The following ZNF292 variants were observed in gnomAD, a reference collection of about 807,000 sequenced individuals.
ZNF292 encodes zinc finger protein 292.
ZNF292 carries 26 observed loss-of-function variants against 217.9 expected under a neutral mutation model. That is an observed-to-expected ratio of 0.12 (90% CI 0.09 to 0.17). ZNF292 has a LOEUF of 0.17. Ranked by LOEUF, ZNF292 falls within the 10% of genes least tolerant of loss-of-function variation. The probability of loss-of-function intolerance (pLI) is 1.00; values close to 1 mark genes in which losing one functional copy is unlikely to be tolerated. For synonymous variants in ZNF292, 1,257 were observed against 1,124.1 expected (o/e 1.12, Z -2.37); for missense variants, 2,904 against 3,175.2 (o/e 0.91, Z 2.05).
intron 5 of ZNF292, among the ~76,000 whole-genome samples, chr6:87,236,938 G>GT (rs1773935376): frequency 6.6e-6 from 1 of 152,080 alleles, no homozygotes; most frequent in Non-Finnish European, 1.5e-5. Context: ...ATACATCCGT[G>GT]TATCCTTGTG....
At chr6:87,231,645 A>G (rs1396781505) in intron 4 of ZNF292, among the ~76,000 whole-genome samples, 1 of 152,220 alleles carries the variant, frequency 6.6e-6, no homozygotes, top group Non-Finnish European at 1.5e-5. Context: ...TTTAATGCAG[A>G]AATTACACAA....
rs1332857858 is a variant in ZNF292, at chr6:87,265,662, C to A, written c.*3861C>A. Among the ~76,000 whole-genome samples, 1 of 152,106 alleles carries A rather than the reference C, an allele frequency of 6.6e-6. No homozygotes were observed. The highest frequency in any genetic ancestry group is 1.5e-5 in the Non-Finnish European group (1 of 68,020). On this transcript the variant is annotated 3_prime_UTR_variant, in exon 8 of 8. Transcript: ENST00000369577. ...TTTAATGTTAATACTTAGTTATATCCCACTGAACTAGCATTCTAAAGAACA... is the reference window on the plus strand; with the variant it reads ...TTTAATGTTAATACTTAGTTATATCACACTGAACTAGCATTCTAAAGAACA...
intron 1 of ZNF292, among the ~76,000 whole-genome samples, chr6:87,158,597 C>T (rs934302530): frequency 6.6e-6 from 1 of 152,138 alleles, no homozygotes; most frequent in Non-Finnish European, 1.5e-5. Flanking sequence ...TCATTTGAAC[C>T]CGGGAGGCAG....
chr6:87,235,719 G>A (rs186796590), intron 5 of ZNF292, among the ~76,000 whole-genome samples: 3 of 152,212 alleles, frequency 2.0e-5, no homozygotes, highest in South Asian at 4.1e-4. Context: ...TGAAGACCCT[G>A]GGTACTTCCA....
At chr6:87,197,672 G>T (rs1204519000) in intron 1 of ZNF292, among the ~76,000 whole-genome samples, 2 of 144,410 alleles carry the variant, frequency 1.4e-5, no homozygotes, top group Non-Finnish European at 3.0e-5. Flanking sequence ...CAGAGGCGGA[G>T]GTCATGCCAC....
chr6:87,247,008 A>G (rs1449981947), intron 7 of ZNF292, among the ~76,000 whole-genome samples: 3 of 152,090 alleles, frequency 2.0e-5, no homozygotes, highest in East Asian at 3.9e-4. Context: ...AAAGAAAATT[A>G]GCTGTTCATG....
chr6:87,223,549 G>A (rs1773199306), intron 4 of ZNF292: 1 of 152,198 alleles, frequency 6.6e-6, no homozygotes, highest in Non-Finnish European at 1.5e-5. Context: ...CCACCTCCTT[G>A]AGGAAGCAGT....
At chr6:87,156,668 G>T (rs9450625) in intron 1 of ZNF292, among the ~76,000 whole-genome samples, 1 of 152,186 alleles carries the variant, frequency 6.6e-6, no homozygotes, top group African/African-American at 2.4e-5. Flanking sequence ...TCTGTGCTTT[G>T]GGTAGTTTCA....
chr6:87,248,029 A>C (rs4591818), intron 7 of ZNF292, among the ~76,000 whole-genome samples: 81,617 of 151,952 alleles, frequency 0.54, 22,363 homozygotes, highest in African/African-American at 0.62. Context: ...ATCAGAACTC[A>C]AGTTTCATAA....
chr6:87,197,826 A>G (rs1389933832), intron 1 of ZNF292, among the ~76,000 whole-genome samples: 1 of 150,260 alleles, frequency 6.7e-6, no homozygotes, highest in African/African-American at 2.4e-5. Context: ...ATTCATTTCT[A>G]GCTTTCAACA....
intron 1 of ZNF292, among the ~76,000 whole-genome samples, chr6:87,183,278 G>C (rs565942890): frequency 6.6e-6 from 1 of 152,092 alleles, no homozygotes; most frequent in Non-Finnish European, 1.5e-5. Flanking sequence ...AGAATGCTTT[G>C]CAATAGACAG....
intron 7 of ZNF292, among the ~76,000 whole-genome samples, chr6:87,250,673 A>G (rs1271280150): frequency 6.6e-6 from 1 of 152,222 alleles, no homozygotes; most frequent in East Asian, 1.9e-4. Context: ...GGATTTTGGT[A>G]TCCACAGGAA....
intron 1 of ZNF292, chr6:87,174,098 C>CACCTAAA: frequency 6.0e-6 from 1 of 165,752 alleles, no homozygotes; most frequent in African/African-American, 2.5e-5. Flanking sequence ...CAGAATAGTG[C>CACCTAAA]AGGAGCTTCA....
chr6:87,259,526 C>T lies in ZNF292; in HGVS notation c.5897C>T (p.Ala1966Val). 6.3e-7 allele frequency: 1 copy of T among 1,586,884 alleles called. No homozygotes were observed. The highest frequency in any genetic ancestry group is 8.6e-7 in the Non-Finnish European group (1 of 1,165,326). ...KTFTRNSNLR[A>V]HCQLVHHFTT... ...TTTACAAGAAATTCTAACCTCCGGG[C>T]ACACTGTCAGTTGGTGCATCATTTT... The change falls in exon 8 of 8, where the codon GCA becomes GTA. Residue 1966 changes from alanine to valine, a missense_variant. By Grantham distance (64) the Ala-to-Val change is moderately conservative (BLOSUM62 0). Around this residue, in one of 15 missense-constraint regions of ZNF292, gnomAD observed 50 missense variants for 90.5 expected, o/e 0.55. Coordinates refer to ENST00000369577, the MANE Select transcript of ZNF292 (RefSeq NM_015021.3).
At chr6:87,157,447 C>A (rs915189441) in intron 1 of ZNF292, among the ~76,000 whole-genome samples, 2 of 152,038 alleles carry the variant, frequency 1.3e-5, no homozygotes, top group Admixed American at 1.3e-4. Flanking sequence ...ATTTGTAAGT[C>A]GAATCAGTTT....
chr6:87,176,465 G>C (rs968608173), intron 1 of ZNF292, among the ~76,000 whole-genome samples: 12 of 151,068 alleles, frequency 7.9e-5, no homozygotes, highest in Admixed American at 6.6e-4. Context: ...AGGGTCTTAT[G>C]ACTTACTTTA....
intron 1 of ZNF292, among the ~76,000 whole-genome samples, chr6:87,168,946 A>G (rs1771002819): frequency 6.6e-6 from 1 of 151,800 alleles, no homozygotes; most frequent in African/African-American, 2.4e-5. Context: ...ATCCTCCCAA[A>G]TACTTTCTCT....
In ZNF292 at chr6:87,233,434, T is replaced by C. The variant is rs201983558; in HGVS notation, c.648T>C (p.Ser216=). The part of the protein sequence containing the change: ...SQATALAKLC[S]DHPEIGIKGS... ...CAACTGCTCTAGCAAAGCTGTGTTCTGACCATCCAGAGATTGGCATAAAAG... is the reference window on the plus strand; with the variant it reads ...CAACTGCTCTAGCAAAGCTGTGTTCCGACCATCCAGAGATTGGCATAAAAG... The change falls in exon 5 of 8, where the codon TCT becomes TCC. Residue 216 remains serine (S), a synonymous_variant. Transcript: ENST00000369577. 101 of 1,613,674 alleles carry C rather than the reference T, an allele frequency of 6.3e-5. 1 individual carries two copies. In the East Asian group the frequency reaches 2.2e-3, roughly 35 times the overall value.
intron 1 of ZNF292, among the ~76,000 whole-genome samples, chr6:87,180,412 C>G (rs1311200709): frequency 7.2e-6 from 1 of 138,592 alleles, no homozygotes; most frequent in Non-Finnish European, 1.5e-5. Context: ...GGTCCTCTGC[C>G]CCAAGTATGT....
Sources: gnomAD v4.1 joint callset for allele counts (sites outside exome capture counted in the v4.1 genomes callset) on GRCh38, gnomAD v4.1.1 for gene constraint, gnomAD v4.1.1 regional missense constraint, MANE v1.5 for transcripts, NCBI Gene and HGNC (gene_info 2026-07-23, HGNC 2026-07-21) for gene names.